Variants in AHCY observed in about 807,000 individuals in gnomAD.
The protein encoded by AHCY is S-adenosyl-L-homocysteine hydrolase.
In AHCY, 24 loss-of-function variants were observed where a neutral mutation model predicts 45.4. The ratio of observed to expected loss-of-function variants is 0.53; its 90% CI spans 0.38 to 0.74. The LOEUF (loss-of-function observed/expected upper bound fraction) is 0.74. AHCY is among the 30% of genes least tolerant of loss of function. The probability of loss-of-function intolerance (pLI) is 0.00; values close to 1 mark genes in which losing one functional copy is unlikely to be tolerated. For synonymous variants in AHCY, 245 were observed against 235.1 expected (o/e 1.04, Z -0.39); for missense variants, 449 against 594.1 (o/e 0.76, Z 2.54).
intron 1 of AHCY, chr20:34,302,465 TG>T (rs2036809815): frequency 2.7e-6 from 1 of 373,466 alleles, no homozygotes; most frequent in Non-Finnish European, 3.7e-6. Flanking sequence ...CACCACCAGC[TG>T]TAAGACTGAG....
At chr20:34,246,300 C>G in the AHCY span, 1 of 1,551,154 alleles carries the variant, frequency 6.4e-7, no homozygotes. Flanking sequence ...CCTTGACCCT[C>G]ACTAATTCCA....
At chr20:34,264,528 C>T in the AHCY span, among the ~76,000 whole-genome samples, 9 of 152,036 alleles carry the variant, frequency 5.9e-5, no homozygotes, top group Non-Finnish European at 1.2e-4. Flanking sequence ...GGAAGTGTTC[C>T]CAAGAAGCAA....
At chr20:34,240,722 CA>C in the AHCY span, among the ~76,000 whole-genome samples, 1 of 152,144 alleles carries the variant, frequency 6.6e-6, no homozygotes, top group Non-Finnish European at 1.5e-5. Context: ...TAGGTTAACT[CA>C]ATTAGACTGT....
the AHCY span, among the ~76,000 whole-genome samples, chr20:34,253,972 T>C: frequency 3.3e-5 from 5 of 152,212 alleles, no homozygotes; most frequent in African/African-American, 9.6e-5. Flanking sequence ...ATAACAGTCT[T>C]CATCATTGCA....
the AHCY span, among the ~76,000 whole-genome samples, chr20:34,270,295 TC>T: frequency 1.3e-5 from 2 of 151,516 alleles, no homozygotes; most frequent in East Asian, 3.9e-4. Flanking sequence ...TTGTTATAAA[TC>T]CAAGGTAGTG....
downstream of AHCY, among the ~76,000 whole-genome samples, chr20:34,280,102 G>A (rs918689774): frequency 1.3e-5 from 2 of 151,988 alleles, no homozygotes; most frequent in Non-Finnish European, 2.9e-5. Flanking sequence ...AAAAAAAAAC[G>A]AAAGAGTTCC....
intron 9 of AHCY, among the ~76,000 whole-genome samples, chr20:34,282,078 T>A (rs2036022657): frequency 1.3e-5 from 2 of 152,216 alleles, no homozygotes; most frequent in African/African-American, 2.4e-5. Flanking sequence ...CCTTTAAGAA[T>A]TAGAGCCTAA....
chr20:34,237,537 C>A, the AHCY span, among the ~76,000 whole-genome samples: 1 of 152,168 alleles, frequency 6.6e-6, no homozygotes, highest in Non-Finnish European at 1.5e-5. Flanking sequence ...TTTATTAGTT[C>A]TAACAGTGTT....
downstream of AHCY, among the ~76,000 whole-genome samples, chr20:34,275,721 C>T (rs1386667357): frequency 7.9e-5 from 12 of 151,630 alleles, no homozygotes; most frequent in Non-Finnish European, 1.6e-4. Flanking sequence ...CTCTGTCCCC[C>T]AGACTGGAGT....
the AHCY span, chr20:34,260,319 A>G: frequency 6.4e-7 from 1 of 1,563,510 alleles, no homozygotes; most frequent in South Asian, 1.2e-5. Flanking sequence ...GCCTCTTACC[A>G]TTACCCCTGA....
At chr20:34,239,509 G>A in the AHCY span, among the ~76,000 whole-genome samples, 1 of 152,246 alleles carries the variant, frequency 6.6e-6, no homozygotes, top group Non-Finnish European at 1.5e-5. Flanking sequence ...CTTACTTGGT[G>A]GGTCATATAA....
chr20:34,297,008 C>T (rs1213330707), intron 1 of AHCY, among the ~76,000 whole-genome samples: 1 of 152,094 alleles, frequency 6.6e-6, no homozygotes, highest in Non-Finnish European at 1.5e-5. Context: ...AGTGATAGCT[C>T]TCCTTGGAAA....
intron 5 of AHCY, 111 bp from the exon 6 acceptor site, chr20:34,291,049 T>C (rs562590722): frequency 6.4e-6 from 7 of 1,090,322 alleles, no homozygotes; most frequent in African/African-American, 1.6e-5. Context: ...CCACCAAGCA[T>C]CCCGGCCTGG....
Position 34,299,825 on chromosome 20 carries a change from C to T in AHCY, c.28+3418G>A, listed in dbSNP as rs576776192. On this transcript the variant is annotated intron_variant, in intron 1 of 9. Transcript: ENST00000217426. Reference sequence around the variant, plus strand: ...TTTTCCTCTTTCACCTCAATCAGCACGTTTTTGGCTCAACAAGTGAAATAT... The same window carrying T: ...TTTTCCTCTTTCACCTCAATCAGCATGTTTTTGGCTCAACAAGTGAAATAT... Among the ~76,000 whole-genome samples, 24 of 152,316 alleles carry T rather than the reference C, an allele frequency of 1.6e-4. No individual in the cohort carries two copies. In the South Asian group the frequency reaches 1.7e-3, roughly 11 times the overall value.
upstream of AHCY, among the ~76,000 whole-genome samples, chr20:34,306,915 C>T (rs1234246288): frequency 2.6e-5 from 4 of 151,948 alleles, no homozygotes; most frequent in Non-Finnish European, 4.4e-5. Context: ...AGGTAGGGGA[C>T]GGGAGCAAGA....
rs367977481 is a variant in AHCY at position 34,295,369 on chromosome 20, T to C, written c.219+26A>G. ...CTGAACCCAGGGAGGGCAAGGACTC[T>C]GGGGTGATACAGCTGTGGGCCTCAC... is the stretch of plus-strand genomic sequence containing the variant. On this transcript the variant is annotated intron_variant, in intron 2 of 9. Coordinates refer to ENST00000217426, the MANE Select transcript of AHCY (RefSeq NM_000687.4). The C allele has an allele frequency of 1.7e-5, 28 of 1,613,484 alleles. No homozygotes were observed. The African/African-American group carries it at 3.3e-4, about 19-fold the overall frequency.
the AHCY span, among the ~76,000 whole-genome samples, chr20:34,263,822 C>T: frequency 6.6e-6 from 1 of 151,858 alleles, no homozygotes; most frequent in African/African-American, 2.4e-5. Context: ...GCACATGCCA[C>T]CATGCCCAGC....
At chr20:34,239,206 T>G in the AHCY span, among the ~76,000 whole-genome samples, 5 of 152,008 alleles carry the variant, frequency 3.3e-5, no homozygotes, top group African/African-American at 1.2e-4. Context: ...AGTATGTTCC[T>G]CTTCTCCTCC....
chr20:34,266,936 A>T, the AHCY span, among the ~76,000 whole-genome samples: 49 of 152,240 alleles, frequency 3.2e-4, no homozygotes, highest in African/African-American at 1.2e-3. Context: ...GCCTCAGTTT[A>T]TCATATCAAC....
Sources: allele counts gnomAD v4.1 joint callset (sites outside exome capture counted in the v4.1 genomes callset), GRCh38; gene constraint gnomAD v4.1.1; transcripts MANE v1.5; gene names NCBI Gene and HGNC (gene_info 2026-07-23, HGNC 2026-07-21).